GULP1: variants seen among roughly 807,000 people sequenced by gnomAD.
GULP1 encodes PTB domain-containing engulfment adapter protein 1.
Under a neutral mutation model 40.9 loss-of-function variants are expected in GULP1, and 19 were observed. The ratio of observed to expected loss-of-function variants is 0.46; its 90% confidence interval spans 0.32 to 0.68. GULP1 has a LOEUF of 0.68. GULP1 is among the 30% of genes least tolerant of loss of function. The pLI is 0.03. For synonymous variants in GULP1, 119 were observed against 117.6 expected, an observed-to-expected ratio of 1.01 and a Z score of -0.08; for missense variants, 312 against 362.2, an observed-to-expected ratio of 0.86 and a Z score of 1.12.
At chr2:188,319,438 G>A (rs1232468592) in intron 1 of GULP1, among the ~76,000 whole-genome samples, 1 of 152,140 alleles carries the variant, frequency 6.6e-6, no homozygotes, top group Non-Finnish European at 1.5e-5. Flanking sequence ...GAATCATAGT[G>A]TATATTCTTT....
chr2:188,445,001 C>T (rs2152887286), intron 2 of GULP1, among the ~76,000 whole-genome samples: 1 of 152,174 alleles, frequency 6.6e-6, no homozygotes, highest in Non-Finnish European at 1.5e-5. Flanking sequence ...ATGTTAATAT[C>T]CTAATTTTCT....
chr2:188,423,596 A>T (rs1304149621), intron 2 of GULP1, among the ~76,000 whole-genome samples: 2 of 151,688 alleles, frequency 1.3e-5, no homozygotes, highest in Non-Finnish European at 3.0e-5. Context: ...TTTAGATTTT[A>T]AAAATGTGAT....
intron 2 of GULP1, among the ~76,000 whole-genome samples, chr2:188,440,415 T>G (rs2057811204): frequency 6.6e-6 from 1 of 152,208 alleles, no homozygotes; most frequent in South Asian, 2.1e-4. Flanking sequence ...GGGGCATTAA[T>G]TAATTTCGGA....
intron 7 of GULP1, among the ~76,000 whole-genome samples, chr2:188,544,510 A>G (rs1018797228): frequency 6.6e-6 from 1 of 151,866 alleles, no homozygotes; most frequent in Non-Finnish European, 1.5e-5. Context: ...CATGTTGTGC[A>G]TAAGTACCCT....
At chr2:188,418,603 A>C (rs1285761332) in intron 2 of GULP1, among the ~76,000 whole-genome samples, 1 of 152,210 alleles carries the variant, frequency 6.6e-6, no homozygotes, top group Non-Finnish European at 1.5e-5. Flanking sequence ...ACTGCACTCC[A>C]GCCTGGGGAA....
At chr2:188,373,262 T>C (rs576583904) in intron 1 of GULP1, among the ~76,000 whole-genome samples, 1 of 151,992 alleles carries the variant, frequency 6.6e-6, no homozygotes, top group East Asian at 1.9e-4. Context: ...GTTGAACTAA[T>C]TTAAGAGAAA....
At chr2:188,572,104 G>GGTTAC (rs1300150225) in intron 9 of GULP1, among the ~76,000 whole-genome samples, 1 of 152,160 alleles carries the variant, frequency 6.6e-6, no homozygotes, top group African/African-American at 2.4e-5. Flanking sequence ...GATCTCATAG[G>GGTTAC]GTTACTGAGT....
intron 2 of GULP1, among the ~76,000 whole-genome samples, chr2:188,424,971 A>G (rs1365097894): frequency 6.6e-6 from 1 of 151,982 alleles, no homozygotes; most frequent in East Asian, 1.9e-4. Context: ...TCATAGTGGT[A>G]ATGTGTTCTT....
At chr2:188,557,946 CAGTGGGGCCATGGGCCTGGCCCA>C (rs1247988537) in intron 7 of GULP1, among the ~76,000 whole-genome samples, 1 of 152,166 alleles carries the variant, frequency 6.6e-6, no homozygotes, top group Non-Finnish European at 1.5e-5. Flanking sequence ...CTGTTCAGGG[CAGTGGGGCCATGGGCCTGGCCCA>C]TGAAACCATT....
intron 2 of GULP1, among the ~76,000 whole-genome samples, chr2:188,394,750 C>G (rs922063637): frequency 1.3e-5 from 2 of 152,062 alleles, no homozygotes; most frequent in Admixed American, 1.3e-4. Flanking sequence ...AATGTTTATA[C>G]TTTATGGTAA....
intron 10 of GULP1, among the ~76,000 whole-genome samples, chr2:188,585,152 T>C (rs1702110006): frequency 6.6e-6 from 1 of 152,186 alleles, no homozygotes; most frequent in African/African-American, 2.4e-5. Flanking sequence ...TTTTACTCCA[T>C]GTGTCACATC....
At chr2:188,454,295 A>G (rs1376702673) in intron 2 of GULP1, among the ~76,000 whole-genome samples, 3 of 152,192 alleles carry the variant, frequency 2.0e-5, no homozygotes, top group African/African-American at 7.2e-5. Flanking sequence ...TTTCTCCCCC[A>G]GTATGGCTTA....
At chr2:188,497,576 C>A (rs1324913805) in intron 4 of GULP1, among the ~76,000 whole-genome samples, 1 of 151,790 alleles carries the variant, frequency 6.6e-6, no homozygotes. Flanking sequence ...ATCTTTTAAA[C>A]AAGTTCTAAG....
chr2:188,378,481 G>C (rs2048587593), intron 1 of GULP1, among the ~76,000 whole-genome samples: 1 of 152,156 alleles, frequency 6.6e-6, no homozygotes, highest in Non-Finnish European at 1.5e-5. Context: ...CCTGAGGCTA[G>C]GTAATTTATA....
intron 1 of GULP1, among the ~76,000 whole-genome samples, chr2:188,306,923 A>G (rs991527862): frequency 2.0e-5 from 3 of 152,170 alleles, no homozygotes; most frequent in Non-Finnish European, 4.4e-5. Context: ...AATGTTTTGT[A>G]CTTTTTGTGT....
chr2:188,423,484 A>G (rs1383972989), intron 2 of GULP1, among the ~76,000 whole-genome samples: 2 of 151,838 alleles, frequency 1.3e-5, no homozygotes, highest in African/African-American at 4.8e-5. Flanking sequence ...AAATAAAACA[A>G]TTGTTCCATT....
At chr2:188,329,874 A>G (rs1453297355) in intron 1 of GULP1, among the ~76,000 whole-genome samples, 2 of 152,136 alleles carry the variant, frequency 1.3e-5, no homozygotes, top group African/African-American at 2.4e-5. Context: ...GAATTATGCC[A>G]AGTTTAGCAA....
At chr2:188,536,492 G>A (rs533820029) in intron 6 of GULP1, among the ~76,000 whole-genome samples, 1 of 152,186 alleles carries the variant, frequency 6.6e-6, no homozygotes, top group African/African-American at 2.4e-5. Flanking sequence ...AGATCAGATG[G>A]CTGTAGACTT....
At chr2:188,396,140 G>A (rs973906251) in intron 2 of GULP1, among the ~76,000 whole-genome samples, 1 of 152,224 alleles carries the variant, frequency 6.6e-6, no homozygotes, top group Admixed American at 6.5e-5. Context: ...AGTGCTGGAT[G>A]CTGTAGAAGT....
Sources: gnomAD v4.1 joint callset for allele counts (sites outside exome capture counted in the v4.1 genomes callset) on GRCh38, gnomAD v4.1.1 for gene constraint, MANE v1.5 for transcripts, NCBI Gene and HGNC (gene_info 2026-07-23, HGNC 2026-07-21) for gene names.